Variants in SETD2 observed in about 807,000 individuals in gnomAD.
SETD2 encodes the protein SET domain containing 2, histone lysine methyltransferase.
A neutral mutation model predicts 242.1 loss-of-function variants in SETD2; 31 were observed. That is an observed-to-expected ratio of 0.13 (90% confidence interval 0.10 to 0.17). The LOEUF is 0.17. SETD2 is among the 10% of genes least tolerant of loss of function. The probability of loss-of-function intolerance (pLI) is 1.00; values close to 1 mark genes in which losing one functional copy is unlikely to be tolerated. For missense variants in SETD2, 2,481 were observed against 3,046.3 expected (o/e 0.81, Z 4.37); for synonymous variants, 1,006 against 1,066.5 (o/e 0.94, Z 1.11).
chr3:47,056,045 T>TAAAAAAA (rs2040053467), intron 15 of SETD2, among the ~76,000 whole-genome samples: 2 of 114,256 alleles, frequency 1.8e-5, no homozygotes, highest in Non-Finnish European at 1.9e-5. Context: ...AAAAAAAAAG[T>TAAAAAAA]TCTGCCTTGT....
chr3:47,124,067 G>A lies in SETD2; in HGVS notation c.569C>T (p.Pro190Leu), dbSNP rs563907746. ...STTVDSPPSS[P>L]PPPPPPAQAT... The stretch of plus-strand genomic sequence containing the variant: ...TTGGGCAGGTGGAGGCGGTGGAGGC[G>A]GAGATGAGGGCGGTGAGTCTACAGT... Residue 190 changes from proline (P) to leucine (L), a missense_variant, in exon 3 of 21, where the codon CCG (proline) becomes CTG (leucine). Transcript: ENST00000409792. The A allele has an allele frequency of 3.1e-5, 48 of 1,551,922 alleles. No individual in the cohort carries two copies. In the East Asian group the frequency reaches 6.8e-4, roughly 22 times the overall value.
intron 1 of SETD2, among the ~76,000 whole-genome samples, chr3:47,162,389 G>A (rs1436262176): frequency 6.6e-6 from 1 of 152,048 alleles, no homozygotes; most frequent in Non-Finnish European, 1.5e-5. Context: ...CCTGCCAGTA[G>A]CAAAACAAAA....
chr3:47,058,952 G>A (rs556918216), intron 14 of SETD2, among the ~76,000 whole-genome samples: 21 of 150,954 alleles, frequency 1.4e-4, no homozygotes, highest in Admixed American at 1.1e-3. Flanking sequence ...CCGCCACCAT[G>A]CCTGGCTAAT....
At chr3:47,078,125 T>C (rs2107626021) in intron 12 of SETD2, among the ~76,000 whole-genome samples, 1 of 152,290 alleles carries the variant, frequency 6.6e-6, no homozygotes, top group South Asian at 2.1e-4. Flanking sequence ...AATGGATACA[T>C]TTTATGAAAA....
chr3:47,053,386 C>T (rs1046405143), intron 15 of SETD2, among the ~76,000 whole-genome samples: 1 of 152,174 alleles, frequency 6.6e-6, no homozygotes, highest in African/African-American at 2.4e-5. Context: ...GCCATGACTA[C>T]TTTTGCACCA....
intron 12 of SETD2, among the ~76,000 whole-genome samples, chr3:47,078,775 G>A (rs965555044): frequency 2.6e-5 from 4 of 151,754 alleles, no homozygotes; most frequent in African/African-American, 9.7e-5. Context: ...CTGTCATCCA[G>A]GCTGGAGTGC....
At chr3:47,023,704 A>G (rs967762595) in intron 18 of SETD2, among the ~76,000 whole-genome samples, 3 of 152,254 alleles carry the variant, frequency 2.0e-5, no homozygotes, top group Admixed American at 1.3e-4. Flanking sequence ...ACCAATTTTA[A>G]AAAACCCCAA....
chr3:47,098,042 G>A lies in SETD2; in HGVS notation c.5055C>T (p.Cys1685=), dbSNP rs761221336. Residue 1685 remains cysteine (C), a synonymous_variant, in exon 9 of 21, where the codon TGC becomes TGT. Coordinates refer to ENST00000409792, the MANE Select transcript of SETD2 (RefSeq NM_014159.7). ...TGTTTTCTCCTCCCAGGTAACCCCG[G>A]CAATTGGCTGATCCGCAGAAACATT... ...AQKCFCGSAN[C]RGYLGGENRV... is the part of the protein sequence containing the mutation. 5.0e-6 allele frequency: 8 copies of A among 1,613,930 alleles called. No homozygotes were observed. In the East Asian group the frequency reaches 1.1e-4, roughly 22 times the overall value.
intron 1 of SETD2, among the ~76,000 whole-genome samples, chr3:47,142,336 C>T (rs1169342620): frequency 6.6e-6 from 1 of 151,882 alleles, no homozygotes; most frequent in African/African-American, 2.4e-5. Flanking sequence ...AGTGAGACCT[C>T]GCCTCTACAA....
At chr3:47,019,664 T>A (rs2038131646) in intron 19 of SETD2, 96 bp downstream of exon 19, 1 of 1,055,522 alleles carries the variant, frequency 9.5e-7, no homozygotes. Flanking sequence ...CTGCCTATCT[T>A]GGGGCAAAGG....
At chr3:47,046,379 G>GAA in intron 16 of SETD2, 108 bp downstream of exon 16, 4 of 883,036 alleles carry the variant, frequency 4.5e-6, no homozygotes, top group Non-Finnish European at 6.3e-6. Flanking sequence ...AAGAACACGT[G>GAA]AAAAAAAAAC....
intron 1 of SETD2, among the ~76,000 whole-genome samples, chr3:47,129,435 T>C (rs1370928734): frequency 2.0e-5 from 3 of 152,172 alleles, no homozygotes; most frequent in Admixed American, 2.0e-4. Flanking sequence ...TTGAGTGTGG[T>C]TTTTAAACAG....
At chr3:47,019,634 A>T in intron 19 of SETD2, 126 bp downstream of exon 19, 1 of 783,344 alleles carries the variant, frequency 1.3e-6, no homozygotes, top group Non-Finnish European at 2.2e-6. Context: ...AGACATACAC[A>T]CAAGGAACAC....
chr3:47,044,344 C>CAAAAAAAAAAAAA (rs59408277), intron 16 of SETD2, among the ~76,000 whole-genome samples: 23 of 33,948 alleles, frequency 6.8e-4, no homozygotes, highest in African/African-American at 1.3e-3. Flanking sequence ...GACTTCATCT[C>CAAAAAAAAAAAAA]AAAAAAAAAA....
chr3:47,160,144 TCTC>T (rs1697446170), intron 1 of SETD2, among the ~76,000 whole-genome samples: 1 of 152,236 alleles, frequency 6.6e-6, no homozygotes, highest in East Asian at 1.9e-4. Context: ...CATGGCTACT[TCTC>T]CTTTAAATCT....
At chr3:47,157,766 G>A (rs1231325814) in intron 1 of SETD2, among the ~76,000 whole-genome samples, 2 of 151,774 alleles carry the variant, frequency 1.3e-5, no homozygotes, top group Admixed American at 6.6e-5. Flanking sequence ...CCAGCTACTC[G>A]GGAGGCTGAG....
At position 47,096,571 on chromosome 3, in the gene SETD2, CAAAAAAAAAAAAA is replaced by C. The variant is rs759377907; in HGVS notation, c.5142+1371_5142+1383del. On this transcript the variant is annotated intron_variant, in intron 9 of 20. Transcript: ENST00000409792. Reference sequence around the variant, plus strand: ...TAAGCAACAGAATGAGATTTTGCCTCAAAAAAAAAAAAAAAAAAAAAAAAAGGGGGGCTGGGCA... The same window carrying C: ...TAAGCAACAGAATGAGATTTTGCCTCAAAAAAAAAAAAGGGGGGCTGGGCA... Among the ~76,000 whole-genome samples the C allele has an allele frequency of 2.7e-3, 85 of 31,954 alleles. 1 individual carries two copies. Among genetic ancestry groups the C allele is most frequent in the South Asian group, 7.5e-3 (6 of 798 alleles). The allele number at this position is 31,954 out of a possible 152,430, so 21.0% of individuals were successfully genotyped here. A position where few individuals can be genotyped will look rare whatever the true frequency, so the allele number is the denominator to read the frequency against.
chr3:47,157,133 T>C (rs2044143601), intron 1 of SETD2, among the ~76,000 whole-genome samples: 1 of 152,016 alleles, frequency 6.6e-6, no homozygotes, highest in Admixed American at 6.6e-5. Flanking sequence ...CATGGTGGCA[T>C]GTGCCCACAG....
At chr3:47,056,103 T>C (rs2040068094) in intron 15 of SETD2, among the ~76,000 whole-genome samples, 1 of 97,250 alleles carries the variant, frequency 1.0e-5, no homozygotes, top group South Asian at 3.0e-4. Context: ...TTTTTATTTA[T>C]TTATTTATTT....
Sources: gnomAD v4.1 joint callset for allele counts (sites outside exome capture counted in the v4.1 genomes callset) on GRCh38, gnomAD v4.1.1 for gene constraint, MANE v1.5 for transcripts, NCBI Gene and HGNC (gene_info 2026-07-23, HGNC 2026-07-21) for gene names.